The following IFT74 variants were observed in gnomAD, a reference collection of about 807,000 sequenced individuals.
IFT74 encodes the protein intraflagellar transport 74.
In IFT74, 92 loss-of-function variants were observed where a neutral mutation model predicts 96.7. The observed-to-expected ratio is 0.95, with a 90% CI of 0.80 to 1.13. The LOEUF (loss-of-function observed/expected upper bound fraction) is 1.13. Among genes scored for constraint, IFT74 ranks in the 50% most tolerant of loss-of-function variants. The pLI is 0.00. For missense variants in IFT74, 811 were observed against 698.2 expected (o/e 1.16, Z -1.82); for synonymous variants, 223 against 213.2 (o/e 1.05, Z -0.40).
intron 13 of IFT74, among the ~76,000 whole-genome samples, chr9:27,035,875 G>C (rs897974071): frequency 1.2e-4 from 19 of 152,244 alleles, no homozygotes; most frequent in African/African-American, 4.1e-4. Context: ...TTAAAATGTA[G>C]TTGACCCTTC....
chr9:27,032,658 G>A (rs1023527802), intron 13 of IFT74, among the ~76,000 whole-genome samples: 9 of 151,962 alleles, frequency 5.9e-5, no homozygotes, highest in Non-Finnish European at 8.8e-5. Context: ...ATGAGGTCAG[G>A]AGTTCGAGAC....
intron 1 of IFT74, among the ~76,000 whole-genome samples, chr9:26,961,165 A>G (rs764370460): frequency 2.7e-5 from 4 of 145,808 alleles, no homozygotes; most frequent in Non-Finnish European, 4.5e-5. Flanking sequence ...ATCTCGGCTC[A>G]CTGCAAACTC....
chr9:26,948,448 A>ATTATTATTTTTTTTTTTTTTTTTT (rs1825819541), intron 1 of IFT74, among the ~76,000 whole-genome samples: 1 of 59,162 alleles, frequency 1.7e-5, no homozygotes, highest in Non-Finnish European at 3.8e-5. Flanking sequence ...GCTTTCCATT[A>ATTATTATTTTTTTTTTTTTTTTTT]TTTTTTTTTT....
intron 13 of IFT74, among the ~76,000 whole-genome samples, chr9:27,037,031 C>T (rs1249197840): frequency 6.6e-6 from 1 of 151,708 alleles, no homozygotes; most frequent in Non-Finnish European, 1.5e-5. Flanking sequence ...CAGCCTGGCC[C>T]AAATGGTGAA....
At chr9:27,029,944 G>A (rs1385163207) in intron 13 of IFT74, among the ~76,000 whole-genome samples, 1 of 152,030 alleles carries the variant, frequency 6.6e-6, no homozygotes, top group Non-Finnish European at 1.5e-5. Context: ...CCCCAGGAGT[G>A]GAATTTGAAG....
intron 4 of IFT74, chr9:26,983,799 T>TTTTTTTC (rs1563949986): frequency 1.3e-5 from 2 of 148,458 alleles, no homozygotes; most frequent in Non-Finnish European, 3.0e-5. Flanking sequence ...TTTTTTTTTT[T>TTTTTTTC]CTGAGATGGT....
chr9:27,030,565 A>AG (rs1554675723), intron 13 of IFT74, among the ~76,000 whole-genome samples: 3 of 149,298 alleles, frequency 2.0e-5, no homozygotes, highest in South Asian at 2.1e-4. Context: ...AAAAAAAAAA[A>AG]GGGTACACTG....
chr9:27,017,903 G>T (rs1226881711), intron 11 of IFT74, among the ~76,000 whole-genome samples: 1 of 152,170 alleles, frequency 6.6e-6, no homozygotes, highest in East Asian at 1.9e-4. Context: ...AACTTCATAT[G>T]TATATGGGCA....
rs71510411 is a variant in IFT74, at chr9:27,064,400, G to T, written c.*1664G>T. 6.6e-6 allele frequency among the ~76,000 whole-genome samples: 1 copy of T among 151,986 alleles called. No homozygotes were observed. The highest frequency in any genetic ancestry group is 6.6e-5 in the Admixed American group (1 of 15,256). ...GAAAAAAACTCTTTTAGCAGTTAAAGAGAATGAAATCTGAAATTCAGTAGA... is the reference window on the plus strand; with the variant it reads ...GAAAAAAACTCTTTTAGCAGTTAAATAGAATGAAATCTGAAATTCAGTAGA... On this transcript the variant is annotated 3_prime_UTR_variant, in exon 20 of 20. Transcript: ENST00000380062.
chr9:26,957,878 C>CTGCCTTCCGGGTTCA (rs1826185503), intron 1 of IFT74, among the ~76,000 whole-genome samples: 1 of 151,796 alleles, frequency 6.6e-6, no homozygotes, highest in Non-Finnish European at 1.5e-5. Context: ...ACTGCAAGCT[C>CTGCCTTCCGGGTTCA]CGCCTCCTGG....
At chr9:26,978,560 T>C (rs1263251273) in intron 3 of IFT74, among the ~76,000 whole-genome samples, 2 of 152,190 alleles carry the variant, frequency 1.3e-5, no homozygotes, top group African/African-American at 4.8e-5. Flanking sequence ...TATGAGCTAT[T>C]TCAGTCTTCA....
intron 1 of IFT74, among the ~76,000 whole-genome samples, chr9:26,950,789 TAGG>T (rs1303009614): frequency 6.6e-6 from 1 of 152,246 alleles, no homozygotes; most frequent in Non-Finnish European, 1.5e-5. Flanking sequence ...AACAGCTTGA[TAGG>T]AGGTTAATGC....
chr9:26,951,659 G>T (rs1809049632), upstream of IFT74, among the ~76,000 whole-genome samples: 1 of 152,192 alleles, frequency 6.6e-6, no homozygotes, highest in South Asian at 2.1e-4. Context: ...ACCACTTTGG[G>T]AGACTGAGGC....
chr9:27,010,142 C>G (rs952489207), intron 9 of IFT74, among the ~76,000 whole-genome samples: 2 of 151,996 alleles, frequency 1.3e-5, no homozygotes, highest in African/African-American at 4.8e-5. Context: ...CGCCCGCCAC[C>G]ACGCCCGGCT....
intron 2 of IFT74, among the ~76,000 whole-genome samples, chr9:26,973,122 A>C (rs1246434562): frequency 6.6e-6 from 1 of 152,212 alleles, no homozygotes; most frequent in Non-Finnish European, 1.5e-5. Flanking sequence ...GGCTATCCTC[A>C]GCCAAGGGGC....
intron 13 of IFT74, among the ~76,000 whole-genome samples, chr9:27,038,913 A>G (rs894666334): frequency 2.6e-5 from 4 of 152,214 alleles, no homozygotes; most frequent in African/African-American, 7.2e-5. Context: ...GCTTCAAGAA[A>G]AAAGGAGAAA....
intron 2 of IFT74, among the ~76,000 whole-genome samples, chr9:26,975,151 G>T (rs7034899): frequency 0.1 from 15,663 of 152,066 alleles, 1,814 homozygotes; most frequent in East Asian, 0.65. Context: ...GCTGCCTGAG[G>T]GGGAGGGTCA....
intron 2 of IFT74, among the ~76,000 whole-genome samples, chr9:26,973,027 G>C (rs776530874): frequency 5.9e-5 from 9 of 152,144 alleles, no homozygotes; most frequent in Non-Finnish European, 1.2e-4. Flanking sequence ...AGGGGAGTCT[G>C]TAAACCCTTG....
At chr9:27,041,667 A>G (rs1013745375) in intron 13 of IFT74, among the ~76,000 whole-genome samples, 16 of 152,082 alleles carry the variant, frequency 1.1e-4, no homozygotes, top group African/African-American at 3.9e-4. Context: ...GCTTCCGTCT[A>G]TCTACAATCT....
Sources: allele counts gnomAD v4.1 joint callset (sites outside exome capture counted in the v4.1 genomes callset), GRCh38; gene constraint gnomAD v4.1.1; transcripts MANE v1.5; gene names NCBI Gene and HGNC (gene_info 2026-07-23, HGNC 2026-07-21).